HSD17B12: variants seen among roughly 807,000 people sequenced by gnomAD.
HSD17B12 encodes the protein hydroxysteroid 17-beta dehydrogenase 12.
A neutral mutation model predicts 39.3 loss-of-function variants in HSD17B12; 32 were observed. The ratio of observed to expected loss-of-function variants is 0.81; its 90% CI spans 0.61 to 1.09. The LOEUF (loss-of-function observed/expected upper bound fraction) is 1.09, where lower values mean the gene tolerates loss of function less well. HSD17B12 is among the 50% of genes least tolerant of loss of function. The probability of loss-of-function intolerance (pLI) is 0.00; values close to 1 mark genes in which losing one functional copy is unlikely to be tolerated. For synonymous variants in HSD17B12, 150 were observed against 146.7 expected, an observed-to-expected ratio of 1.02 and a Z score of -0.16; for missense variants, 342 against 382.9, an observed-to-expected ratio of 0.89 and a Z score of 0.89.
At chr11:43,638,311 G>A in the HSD17B12 span, among the ~76,000 whole-genome samples, 2 of 152,168 alleles carry the variant, frequency 1.3e-5, no homozygotes, top group African/African-American at 2.4e-5. Context: ...TTTGTGGTGT[G>A]TTTAAAGAGA....
At chr11:43,689,800 C>T (rs1361885569) in intron 1 of HSD17B12, among the ~76,000 whole-genome samples, 6 of 152,240 alleles carry the variant, frequency 3.9e-5, no homozygotes, top group African/African-American at 9.6e-5. Flanking sequence ...CCACCTGCCT[C>T]AGCCTCCCAA....
intron 1 of HSD17B12, among the ~76,000 whole-genome samples, chr11:43,747,051 C>T (rs1287771963): frequency 6.6e-6 from 1 of 152,176 alleles, no homozygotes; most frequent in Non-Finnish European, 1.5e-5. Flanking sequence ...GTGTAAGATA[C>T]TGTACTTGTA....
At chr11:43,802,351 A>C (rs1950979673) in intron 4 of HSD17B12, among the ~76,000 whole-genome samples, 1 of 152,174 alleles carries the variant, frequency 6.6e-6, no homozygotes, top group Non-Finnish European at 1.5e-5. Context: ...TTAATATTTC[A>C]ATATATAATC....
chr11:43,573,242 AGCC>A, the HSD17B12 span, among the ~76,000 whole-genome samples: 64 of 152,316 alleles, frequency 4.2e-4, no homozygotes, highest in African/African-American at 1.4e-3. Flanking sequence ...TGGGCACCAC[AGCC>A]CTTAGTACAG....
At chr11:43,839,884 A>C in intron 8 of HSD17B12, 115 bp from the exon 9 acceptor site, 1 of 881,804 alleles carries the variant, frequency 1.1e-6, no homozygotes, top group Non-Finnish European at 1.8e-6. Context: ...AAATGAAAAA[A>C]ATGATGAGAA....
chr11:43,833,275 A>G (rs998116268), intron 7 of HSD17B12: 5 of 152,174 alleles, frequency 3.3e-5, no homozygotes, highest in African/African-American at 1.2e-4. Flanking sequence ...AAGGTAAGCT[A>G]CCTGCTGAAA....
At chr11:43,791,037 G>A (rs1950863502) in intron 3 of HSD17B12, among the ~76,000 whole-genome samples, 1 of 152,074 alleles carries the variant, frequency 6.6e-6, no homozygotes, top group South Asian at 2.1e-4. Context: ...TGTAGGGTGG[G>A]TATTATTTTT....
At chr11:43,735,094 T>A (rs1463003574) in intron 1 of HSD17B12, among the ~76,000 whole-genome samples, 1 of 152,246 alleles carries the variant, frequency 6.6e-6, no homozygotes, top group Non-Finnish European at 1.5e-5. Context: ...GTAGCATGTA[T>A]CAGTACTTAA....
chr11:43,684,545 C>T (rs1949780167), intron 1 of HSD17B12, among the ~76,000 whole-genome samples: 1 of 152,200 alleles, frequency 6.6e-6, no homozygotes, highest in African/African-American at 2.4e-5. Context: ...GGTAAGTAGA[C>T]TTCCAATGTC....
intron 4 of HSD17B12, among the ~76,000 whole-genome samples, chr11:43,813,800 A>G (rs1011300144): frequency 2.9e-4 from 44 of 152,216 alleles, no homozygotes; most frequent in African/African-American, 1.1e-3. Flanking sequence ...TTTAGATACT[A>G]TCCCTATTCA....
intron 2 of HSD17B12, among the ~76,000 whole-genome samples, chr11:43,753,116 A>G (rs781229187): frequency 2.6e-5 from 4 of 152,092 alleles, no homozygotes; most frequent in Admixed American, 2.6e-4. Context: ...TACTATATTT[A>G]TGTGTCCTGG....
rs1554958718 is a variant in HSD17B12, at chr11:43,680,894, G to C, written c.67G>C (p.Ala23Pro). 1.9e-6 allele frequency: 3 copies of C among 1,614,054 alleles called. No individual in the cohort carries two copies. Among genetic ancestry groups the C allele is most frequent in the South Asian group, 1.1e-5 (1 of 91,080 alleles). The change falls in exon 1 of 11, where the codon GCC (alanine) becomes CCC (proline). Residue 23 changes from alanine to proline, a missense_variant. Transcript: ENST00000278353. ...WVGAGTVAYL[A>P]LRISYSLFTA... ...CGGCGCGGGCACCGTGGCCTACCTA[G>C]CCCTGCGTATTTCGTACTCGCTCTT...
the HSD17B12 span, among the ~76,000 whole-genome samples, chr11:43,660,382 C>G: frequency 6.6e-6 from 1 of 152,180 alleles, no homozygotes. Context: ...CTAAGATAAA[C>G]AAATGTCCAA....
intron 3 of HSD17B12, among the ~76,000 whole-genome samples, chr11:43,791,589 A>T (rs1328020033): frequency 6.6e-6 from 1 of 152,122 alleles, no homozygotes; most frequent in African/African-American, 2.4e-5. Context: ...CTCCCCTCAA[A>T]AAACAAAATT....
At chr11:43,851,640 C>A (rs1385771322) in intron 9 of HSD17B12, among the ~76,000 whole-genome samples, 2 of 152,130 alleles carry the variant, frequency 1.3e-5, no homozygotes, top group African/African-American at 4.8e-5. Flanking sequence ...TGGAAAGAGA[C>A]CCCAGTACTC....
At chr11:43,664,249 C>T in the HSD17B12 span, among the ~76,000 whole-genome samples, 1 of 152,156 alleles carries the variant, frequency 6.6e-6, no homozygotes, top group Non-Finnish European at 1.5e-5. Flanking sequence ...GGTGGGATAT[C>T]TTGAAGCAGA....
At chr11:43,808,635 A>C (rs1951041271) in intron 4 of HSD17B12, among the ~76,000 whole-genome samples, 1 of 152,208 alleles carries the variant, frequency 6.6e-6, no homozygotes, top group South Asian at 2.1e-4. Context: ...TATGTATAGC[A>C]AATCTTACCT....
upstream of HSD17B12, among the ~76,000 whole-genome samples, chr11:43,680,199 G>C (rs962299851): frequency 6.6e-6 from 1 of 151,220 alleles, no homozygotes; most frequent in East Asian, 2.0e-4. Context: ...TCAGCCTCCC[G>C]AGTAGCTGAG....
the HSD17B12 span, among the ~76,000 whole-genome samples, chr11:43,632,851 TGA>T: frequency 7.0e-3 from 1,070 of 152,328 alleles, 17 homozygotes; most frequent in East Asian, 0.062. Context: ...GGCATATAGC[TGA>T]GAGTGGATGG....
Sources: gnomAD v4.1 joint callset for allele counts (sites outside exome capture counted in the v4.1 genomes callset) on GRCh38, gnomAD v4.1.1 for gene constraint, MANE v1.5 for transcripts, NCBI Gene and HGNC (gene_info 2026-07-23, HGNC 2026-07-21) for gene names.